The following ADRM1 variants were observed in gnomAD, a reference collection of about 807,000 sequenced individuals.
ADRM1 encodes the protein proteasomal ubiquitin receptor ADRM1.
Under a neutral mutation model 40.1 loss-of-function variants are expected in ADRM1, and 2 were observed. The observed-to-expected ratio is 0.05, with a 90% CI of 0.02 to 0.16. ADRM1 has a LOEUF of 0.16. Ranked by LOEUF, ADRM1 falls within the 10% of genes least tolerant of loss-of-function variation. The probability of loss-of-function intolerance (pLI) is 1.00; values close to 1 mark genes in which losing one functional copy is unlikely to be tolerated. For synonymous variants in ADRM1, 287 were observed against 240.4 expected (o/e 1.19, Z -1.79); for missense variants, 467 against 552.5 (o/e 0.85, Z 1.55).
rs1985368999 is a variant in ADRM1, at chr20:62,307,921, G to GCCTGGGGT, written c.856+94_857-92dup. ...TCCAAGGCATCTGCCTAGTGTGCGC[G>GCCTGGGGT]CCTGGGGTGCTGGGGCCATGGGCTG... is the stretch of plus-strand genomic sequence containing the variant. On this transcript the variant is annotated intron_variant, in intron 7 of 9. Transcript: ENST00000253003. The GCCTGGGGT allele has an allele frequency of 1.9e-6, 3 of 1,545,376 alleles. No individual in the cohort carries two copies. In the African/African-American group the frequency reaches 4.1e-5, roughly 21 times the overall value.
chr20:62,305,500 CGTGTTTTTCCACGGTTTTGCCAAGAAATA>C (rs1043605416), intron 3 of ADRM1: 1 of 152,234 alleles, frequency 6.6e-6, no homozygotes, highest in African/African-American at 2.4e-5. Flanking sequence ...TGGTGTAGAA[CGTGTTTTTCCACGGTTTTGCCAAGAAATA>C]GTGTCCAACT....
In ADRM1 at chr20:62,307,665, T is replaced by G; in HGVS notation, c.693T>G (p.Pro231=). Residue 231 remains proline (P), a synonymous_variant, in exon 7 of 10, where the codon CCT becomes CCG. Coordinates refer to ENST00000253003, the MANE Select transcript of ADRM1 (RefSeq NM_007002.4). ...CTTCCACCCGTGCCACCCCAGCCCC[T>G]TCTGCTCCAGCAGCTGCCTCAGCAA... is the stretch of plus-strand genomic sequence containing the variant. The part of the protein sequence containing the change: ...TTSSTRATPA[P]SAPAAASATS... 6.2e-7 allele frequency: 1 copy of G among 1,612,220 alleles called. No individual in the cohort carries two copies.
chr20:62,303,352 C>T (rs1601225428), intron 1 of ADRM1: 2 of 490,302 alleles, frequency 4.1e-6, no homozygotes, highest in East Asian at 7.0e-5. Flanking sequence ...GCCGGCCCCA[C>T]TAGGCTTGGC....
rs770920563 is a variant in ADRM1, at chr20:62,307,466, C to T, written c.623+14C>T. 17 of 1,607,606 alleles carry T rather than the reference C, an allele frequency of 1.1e-5. No homozygotes were observed. Among genetic ancestry groups the T allele is most frequent in the Non-Finnish European group, 1.4e-5 (16 of 1,179,508 alleles). On this transcript the variant is annotated intron_variant, in intron 6 of 9. Transcript: ENST00000253003. The stretch of plus-strand genomic sequence containing the variant: ...CTCCTCCTCCAGGTGAGCCTCATCG[C>T]TCCTGCCACGCAGGTGCCACGGTGT...
rs190413329 is a variant in ADRM1, at chr20:62,308,287, C to G, written c.1015-81C>G. On this transcript the variant is annotated intron_variant, in intron 8 of 9. Coordinates refer to ENST00000253003, the MANE Select transcript of ADRM1 (RefSeq NM_007002.4). ...ATGGCCAGTGCTTCATGTGCCTGACCCGCAGAGCTGGCAGCTGAGCAGTGT... is the reference window on the plus strand; with the variant it reads ...ATGGCCAGTGCTTCATGTGCCTGACGCGCAGAGCTGGCAGCTGAGCAGTGT... The G allele has an allele frequency of 5.9e-4, 913 of 1,539,430 alleles. 4 individuals carry two copies. The African/African-American group carries it at 0.012, about 20-fold the overall frequency.
At chr20:62,303,346 G>A (rs1474101583) in intron 1 of ADRM1, 1 of 459,364 alleles carries the variant, frequency 2.2e-6, no homozygotes, top group Non-Finnish European at 3.9e-6. Context: ...CCTAGGGCCG[G>A]CCCCACTAGG....
chr20:62,304,017 C>G (rs1450387956), intron 2 of ADRM1: 1 of 555,778 alleles, frequency 1.8e-6, no homozygotes, highest in Non-Finnish European at 3.2e-6. Flanking sequence ...CTGGAGAGCC[C>G]GGAGCTCTGT....
intron 5 of ADRM1, among the ~76,000 whole-genome samples, chr20:62,306,978 G>T (rs1489829740): frequency 6.6e-6 from 1 of 152,164 alleles, no homozygotes; most frequent in Non-Finnish European, 1.5e-5. Context: ...CTGGCCGAGC[G>T]GTGGGGCTGG....
At chr20:62,304,038 G>C (rs1309671228) in intron 2 of ADRM1, 1 of 547,470 alleles carries the variant, frequency 1.8e-6, no homozygotes, top group African/African-American at 1.9e-5. Flanking sequence ...GCCTGGCCTT[G>C]AACTGTCCGT....
chr20:62,308,626 C>T (rs758118074), intron 9 of ADRM1, 29 bp from the exon 10 acceptor site: 26 of 1,611,658 alleles, frequency 1.6e-5, no homozygotes, highest in East Asian at 1.3e-4. Context: ...AAGGGTTAGA[C>T]ACCACCTTGT....
At chr20:62,307,918 C>G in intron 7 of ADRM1, 90 bp downstream of exon 7, 1 of 1,543,436 alleles carries the variant, frequency 6.5e-7, no homozygotes, top group African/African-American at 1.4e-5. Flanking sequence ...GCCTAGTGTG[C>G]GCGCCTGGGG....
chr20:62,303,852 C>G, intron 2 of ADRM1, 71 bp downstream of exon 2: 2 of 1,508,474 alleles, frequency 1.3e-6, no homozygotes, highest in South Asian at 1.1e-5. Context: ...CTTTGGAGTT[C>G]GCGGTGGGGG....
intron 2 of ADRM1, chr20:62,304,094 T>A: frequency 2.0e-6 from 1 of 504,460 alleles, no homozygotes; most frequent in Non-Finnish European, 3.6e-6. Flanking sequence ...AGCCTGGAGC[T>A]CTGTGCCTGG....
At position 62,304,477 on chromosome 20, in the gene ADRM1, C is replaced by T; in HGVS notation, c.230C>T (p.Pro77Leu). ...GNVEDDLIIF[P>L]DDCEFKRVPQ... The stretch of plus-strand genomic sequence containing the variant: ...GCTTGCCAGGACTTGATCATCTTCC[C>T]TGACGACTGTGAGTTCAAGCGGGTG... Residue 77 changes from proline to leucine, a missense_variant, in exon 3 of 10, where the codon CCT becomes CTT. This residue lies in a region of ADRM1 where 418 missense variants were observed against 474.6 expected (regional missense o/e 0.88). Coordinates refer to ENST00000253003, the MANE Select transcript of ADRM1 (RefSeq NM_007002.4). 6.2e-7 allele frequency: 1 copy of T among 1,613,806 alleles called. No homozygotes were observed. The highest frequency in any genetic ancestry group is 8.5e-7 in the Non-Finnish European group (1 of 1,179,890).
chr20:62,304,686 C>T (rs1158965253), intron 3 of ADRM1, 109 bp downstream of exon 3: 6 of 1,046,236 alleles, frequency 5.7e-6, no homozygotes, highest in Non-Finnish European at 8.8e-6. Context: ...GCGCCGGCCA[C>T]ACCCGGCCAC....
chr20:62,306,166 C>A, intron 3 of ADRM1, 31 bp from the exon 4 acceptor site: 1 of 1,597,474 alleles, frequency 6.3e-7, no homozygotes, highest in Non-Finnish European at 8.6e-7. Context: ...CTGGCGCCAG[C>A]TCCTGCCCTT....
At position 62,308,427 on chromosome 20, in the gene ADRM1, G is replaced by A. The variant is rs1985487204; in HGVS notation, c.1074G>A (p.Gln358=). The A allele has an allele frequency of 3.1e-6, 5 of 1,609,788 alleles. No individual in the cohort carries two copies. In the South Asian group the frequency reaches 4.4e-5, roughly 14 times the overall value. The change falls in exon 9 of 10, where the codon CAG becomes CAA. Residue 358 remains glutamine, a synonymous_variant. Coordinates refer to ENST00000253003, the MANE Select transcript of ADRM1 (RefSeq NM_007002.4). ...ASGQLGPLMC[Q]FGLPAEAVEA... ...GGCAGCTGGGCCCCCTCATGTGCCA[G>A]TTCGGTCTGCCTGCAGAGGCTGTGG... is the stretch of plus-strand genomic sequence containing the variant.
chr20:62,306,123 G>A, intron 3 of ADRM1, 74 bp from the exon 4 acceptor site: 1 of 1,559,844 alleles, frequency 6.4e-7, no homozygotes, highest in Non-Finnish European at 8.7e-7. Flanking sequence ...CTGGAAGCCA[G>A]GTCAGAGGAT....
Position 62,307,687 on chromosome 20 carries a change from G to A in ADRM1, c.715G>A (p.Ala239Thr), listed in dbSNP as rs780960999. The A allele has an allele frequency of 5.6e-6, 9 of 1,612,262 alleles. No homozygotes were observed. In the Admixed American group the frequency reaches 6.7e-5, roughly 12 times the overall value. ...CCCTTCTGCTCCAGCAGCTGCCTCAGCAACTAGCCCGAGCCCCGCGCCCAG... is the reference window on the plus strand; with the variant it reads ...CCCTTCTGCTCCAGCAGCTGCCTCAACAACTAGCCCGAGCCCCGCGCCCAG... ...PAPSAPAAAS[A>T]TSPSPAPSSG... The change falls in exon 7 of 10, where the codon GCA (alanine) becomes ACA (threonine). Residue 239 changes from alanine (A) to threonine (T), a missense_variant. Transcript: ENST00000253003.
Sources: allele counts gnomAD v4.1 joint callset (sites outside exome capture counted in the v4.1 genomes callset), GRCh38; gene constraint gnomAD v4.1.1; regional missense constraint gnomAD v4.1.1; transcripts MANE v1.5; gene names NCBI Gene and HGNC (gene_info 2026-07-23, HGNC 2026-07-21).